The following GOLGB1 variants were observed in gnomAD, a reference collection of about 807,000 sequenced individuals.
GOLGB1 encodes the protein golgin B1.
In GOLGB1, 174 loss-of-function variants were observed where a neutral mutation model predicts 336.9. The observed-to-expected ratio is 0.52, with a 90% CI of 0.46 to 0.59. GOLGB1 has a LOEUF of 0.59. GOLGB1 is among the 20% of genes least tolerant of loss of function. The probability of loss-of-function intolerance (pLI) is 0.00; values close to 1 mark genes in which losing one functional copy is unlikely to be tolerated. For synonymous variants in GOLGB1, 1,208 were observed against 1,289.2 expected, an observed-to-expected ratio of 0.94 and a Z score of 1.35; for missense variants, 3,331 against 3,645.3, an observed-to-expected ratio of 0.91 and a Z score of 2.22.
chr3:121,685,623 A>G (rs917742257), intron 14 of GOLGB1, among the ~76,000 whole-genome samples: 8 of 152,178 alleles, frequency 5.3e-5, no homozygotes, highest in Non-Finnish European at 7.3e-5. Context: ...GGGAGAGTAC[A>G]GAGAGCTAAA....
Position 121,692,276 on chromosome 3 carries a change from T to A in GOLGB1, c.7088A>T (p.Gln2363Leu), listed in dbSNP as rs1198889334. 3 of 1,610,340 alleles carry A rather than the reference T, an allele frequency of 1.9e-6. No homozygotes were observed. The South Asian group carries it at 3.3e-5, about 18-fold the overall frequency. ...GGAGGCCTGAAGATCAGTCTCCAGT[T>A]GTTCATAACTGAACTTAGAATTTTG... ...DIQNSKFSYE[Q>L]LETDLQASRE... Residue 2363 changes from glutamine (Q) to leucine (L), a missense_variant, in exon 14 of 22, where the codon CAA becomes CTA. Physicochemically the swap from Gln to Leu is moderately radical, Grantham distance 113. Coordinates refer to ENST00000614479, the MANE Select transcript of GOLGB1 (RefSeq NM_001366282.2).
At chr3:121,713,455 G>T (rs1444762643) in intron 10 of GOLGB1, among the ~76,000 whole-genome samples, 3 of 152,158 alleles carry the variant, frequency 2.0e-5, no homozygotes, top group Non-Finnish European at 2.9e-5. Flanking sequence ...CAATATTAAA[G>T]ATTAAATTAT....
intron 10 of GOLGB1, among the ~76,000 whole-genome samples, chr3:121,706,907 A>G (rs1943904031): frequency 6.6e-6 from 1 of 151,976 alleles, no homozygotes; most frequent in Non-Finnish European, 1.5e-5. Flanking sequence ...CTTCAGACAA[A>G]AAGTGTTATT....
In GOLGB1 at chr3:121,691,938, T is replaced by C. The variant is rs748955634; in HGVS notation, c.7426A>G (p.Asn2476Asp). ...SFVKSMSSLQ[N>D]DRDRIVGDYQ... ...TCACCCACTATGCGGTCTCGATCATTTTGGAGAGAAGACATGGATTTAACA... is the reference window on the plus strand; with the variant it reads ...TCACCCACTATGCGGTCTCGATCATCTTGGAGAGAAGACATGGATTTAACA... Residue 2476 changes from asparagine to aspartate, a missense_variant, in exon 14 of 22, where the codon AAT becomes GAT. By Grantham distance (23) the Asn-to-Asp change is conservative. Transcript: ENST00000614479. The C allele has an allele frequency of 6.8e-6, 11 of 1,614,216 alleles. No individual in the cohort carries two copies. In the South Asian group the frequency reaches 1.2e-4, roughly 18 times the overall value.
intron 1 of GOLGB1, among the ~76,000 whole-genome samples, chr3:121,737,597 G>A (rs2108359937): frequency 6.6e-6 from 1 of 150,820 alleles, no homozygotes; most frequent in African/African-American, 2.4e-5. Context: ...GTTGCAGTGA[G>A]CCAAGATTCG....
At position 121,694,865 on chromosome 3, in the gene GOLGB1, A is replaced by C; in HGVS notation, c.5658T>G (p.Asp1886Glu). The stretch of plus-strand genomic sequence containing the variant: ...CCTCCTGAAGCATTTTTAGTTCACC[A>C]TCCTTTGTTGATATCTGACTCAGTA... Reference protein sequence around the residue: ...NTLLSQISTKDGELKMLQEEV... With the variant: ...NTLLSQISTKEGELKMLQEEV... The change falls in exon 13 of 22, where the codon GAT (aspartate) becomes GAG (glutamate). Residue 1886 changes from aspartate to glutamate, a missense_variant. Asp to Glu is a conservative substitution (Grantham distance 45, BLOSUM62 2). Coordinates refer to ENST00000614479, the MANE Select transcript of GOLGB1 (RefSeq NM_001366282.2). 6.2e-7 allele frequency: 1 copy of C among 1,613,836 alleles called. No homozygotes were observed.
chr3:121,730,898 T>C lies in GOLGB1; in HGVS notation c.74A>G (p.Asn25Ser), dbSNP rs759737330. Residue 25 changes from asparagine to serine, a missense_variant, in exon 2 of 22, where the codon AAT becomes AGT. Physicochemically the swap from Asn to Ser is conservative, Grantham distance 46. Transcript: ENST00000614479. ...CACAGGGTCTAGGGGAGCCCTCATA[T>C]TCTGATCAGTGTCATCATCTCCTGA... ...ELSGDDDTDQ[N>S]MRAPLDPELH... 2 of 1,612,256 alleles carry C rather than the reference T, an allele frequency of 1.2e-6. No individual in the cohort carries two copies. Among genetic ancestry groups the C allele is most frequent in the Non-Finnish European group, 1.7e-6 (2 of 1,178,430 alleles).
Position 121,722,809 on chromosome 3 carries a change from C to A in GOLGB1, c.532-431G>T, listed in dbSNP as rs1450647965. Among the ~76,000 whole-genome samples, 5 of 152,214 alleles carry A rather than the reference C, an allele frequency of 3.3e-5. No individual in the cohort carries two copies. The East Asian group carries it at 9.6e-4, about 29-fold the overall frequency. Reference sequence around the variant, plus strand: ...TCTGATGGGTCTGAGAAAGGGACAGCCCTAAACAGCCAATGTATTTATTTG... The same window carrying A: ...TCTGATGGGTCTGAGAAAGGGACAGACCTAAACAGCCAATGTATTTATTTG... On this transcript the variant is annotated intron_variant, in intron 5 of 21. Coordinates refer to ENST00000614479, the MANE Select transcript of GOLGB1 (RefSeq NM_001366282.2).
chr3:121,665,436 C>T (rs1368989628), intron 20 of GOLGB1, among the ~76,000 whole-genome samples: 2 of 151,164 alleles, frequency 1.3e-5, no homozygotes, highest in African/African-American at 4.8e-5. Flanking sequence ...GCCTCACGTT[C>T]TTTTTTCCAC....
chr3:121,676,139 G>A lies in GOLGB1; in HGVS notation c.9177+754C>T, dbSNP rs546368455. 3.7e-4 allele frequency among the ~76,000 whole-genome samples: 57 copies of A among 152,292 alleles called. 1 individual carries two copies. In the South Asian group the frequency reaches 0.012, roughly 31 times the overall value. The stretch of plus-strand genomic sequence containing the variant: ...TCTGATACTTCAGTGTCAATTAGTT[G>A]AATTTAACTACATTTAATAAGTACC... On this transcript the variant is annotated intron_variant, in intron 17 of 21. Transcript: ENST00000614479.
chr3:121,672,152 G>A (rs563761810), intron 17 of GOLGB1, among the ~76,000 whole-genome samples: 14 of 152,244 alleles, frequency 9.2e-5, no homozygotes, highest in African/African-American at 2.9e-4. Flanking sequence ...TTGTAGATAC[G>A]TGGGTTGCTG....
At chr3:121,731,024 A>T in intron 1 of GOLGB1, 51 bp from the exon 2 acceptor site, 1 of 1,567,732 alleles carries the variant, frequency 6.4e-7, no homozygotes, top group Non-Finnish European at 8.7e-7. Context: ...AAATGAACAT[A>T]GGCTTCTCCT....
intron 16 of GOLGB1, 85 bp downstream of exon 16, chr3:121,677,200 C>T (rs1940513649): frequency 8.3e-7 from 1 of 1,211,792 alleles, no homozygotes; most frequent in Middle Eastern, 2.0e-4. Flanking sequence ...TGGGTAGCGT[C>T]TTAAAAAAAA....
At chr3:121,680,158 G>A (rs1940905980) in intron 15 of GOLGB1, among the ~76,000 whole-genome samples, 2 of 152,194 alleles carry the variant, frequency 1.3e-5, no homozygotes, top group Non-Finnish European at 1.5e-5. Flanking sequence ...GGGTATCAAC[G>A]AAAGTTGAAT....
chr3:121,704,183 T>G (rs1943630911), intron 10 of GOLGB1, among the ~76,000 whole-genome samples: 1 of 151,794 alleles, frequency 6.6e-6, no homozygotes. Context: ...AAAGGTTCAA[T>G]ATACGTGTAA....
Position 121,691,028 on chromosome 3 carries a change from T to A in GOLGB1, c.8336A>T (p.Gln2779Leu), listed in dbSNP as rs2107777621. ...SLKELAQLKE[Q>L]GLLNRERDAL... The stretch of plus-strand genomic sequence containing the variant: ...ATCTCTCTCTCTGTTTAAGAGTCCC[T>A]GTTCTTTCAACTGTGCCAATTCCTT... The change falls in exon 14 of 22, where the codon CAG becomes CTG. Residue 2779 changes from glutamine (Q) to leucine (L), a missense_variant. Gln to Leu is a moderately radical substitution (Grantham distance 113). Coordinates refer to ENST00000614479, the MANE Select transcript of GOLGB1 (RefSeq NM_001366282.2). 6.2e-7 allele frequency: 1 copy of A among 1,613,926 alleles called. No homozygotes were observed. The highest frequency in any genetic ancestry group is 1.3e-5 in the African/African-American group (1 of 75,072).
chr3:121,700,400 G>A (rs1185510570), intron 11 of GOLGB1, among the ~76,000 whole-genome samples: 1 of 152,048 alleles, frequency 6.6e-6, no homozygotes, highest in Non-Finnish European at 1.5e-5. Context: ...TCAGGGAGCT[G>A]GGATTAGAAT....
intron 4 of GOLGB1, among the ~76,000 whole-genome samples, chr3:121,727,586 G>C (rs1364833597): frequency 6.6e-6 from 1 of 151,740 alleles, no homozygotes; most frequent in Non-Finnish European, 1.5e-5. Context: ...ATCAAGGAGA[G>C]AGCTCAGGAA....
At chr3:121,714,753 A>C in intron 10 of GOLGB1, 108 bp downstream of exon 10, 1 of 756,200 alleles carries the variant, frequency 1.3e-6, no homozygotes, top group Non-Finnish European at 2.3e-6. Flanking sequence ...AGGCAGAAAA[A>C]ACAGAAGGTT....
Sources: gnomAD v4.1 joint callset for allele counts (sites outside exome capture counted in the v4.1 genomes callset) on GRCh38, gnomAD v4.1.1 for gene constraint, MANE v1.5 for transcripts, NCBI Gene and HGNC (gene_info 2026-07-23, HGNC 2026-07-21) for gene names.